The following DST variants were observed in gnomAD, a reference collection of about 807,000 sequenced individuals.
The protein encoded by DST is bullous pemphigoid antigen.
Under a neutral mutation model 875.2 loss-of-function variants are expected in DST, and 253 were observed. The observed-to-expected ratio is 0.29, with a 90% CI of 0.26 to 0.32. The LOEUF (loss-of-function observed/expected upper bound fraction) is 0.32, where lower values mean the gene tolerates loss of function less well. Ranked by LOEUF, DST falls within the 10% of genes least tolerant of loss-of-function variation. DST has a pLI of 1.00. For missense variants in DST, 8,287 were observed against 9,111.6 expected, an observed-to-expected ratio of 0.91 and a Z score of 3.68; for synonymous variants, 3,124 against 3,197.1, an observed-to-expected ratio of 0.98 and a Z score of 0.77.
In DST at chr6:56,593,902, C is replaced by G. The variant is rs748277363; in HGVS notation, c.12487G>C (p.Gly4163Arg). The G allele has an allele frequency of 1.2e-6, 2 of 1,613,736 alleles. No individual in the cohort carries two copies. Among genetic ancestry groups the G allele is most frequent in the African/African-American group, 2.7e-5 (2 of 74,912 alleles). ...ATTAAACCATTGATGTCATCTGCACCTGCCTCCAGGTTTTCAAGTTCTTGT... is the reference window on the plus strand; with the variant it reads ...ATTAAACCATTGATGTCATCTGCACGTGCCTCCAGGTTTTCAAGTTCTTGT... Reference protein sequence around the residue: ...SEQELENLEAGADDINGLMTK... With the variant: ...SEQELENLEARADDINGLMTK... The change falls in exon 48 of 104, where the codon GGT becomes CGT. Residue 4163 changes from glycine (G) to arginine (R), a missense_variant. By Grantham distance (125) the Gly-to-Arg change is moderately radical. Coordinates refer to ENST00000680361, the MANE Select transcript of DST (RefSeq NM_001374736.1).
At chr6:56,569,410 C>T (rs2097745427) in intron 54 of DST, among the ~76,000 whole-genome samples, 1 of 151,354 alleles carries the variant, frequency 6.6e-6, no homozygotes, top group African/African-American at 2.4e-5. Flanking sequence ...AAGGCATAAG[C>T]CTTGAGTCAG....
chr6:56,634,598 C>T lies in DST; in HGVS notation c.3358G>A (p.Asp1120Asn), dbSNP rs753388553. 4.3e-6 allele frequency: 7 copies of T among 1,614,120 alleles called. No individual in the cohort carries two copies. The highest frequency in any genetic ancestry group is 2.7e-5 in the African/African-American group (2 of 75,028). The change falls in exon 26 of 104, where the codon GAT becomes AAT. Residue 1120 changes from aspartate to asparagine, a missense_variant. By Grantham distance (23) the Asp-to-Asn change is conservative. Coordinates refer to ENST00000680361, the MANE Select transcript of DST (RefSeq NM_001374736.1). ...RQIEITIYKD[D>N]ECVLANNSHR... ...GAGTTATTCGCCAAAACACATTCAT[C>T]GTCTTTGTAAATGGTTATCTGGTTT...
chr6:56,870,998 TATATAA>T (rs1243980696), intron 3 of DST, among the ~76,000 whole-genome samples: 2 of 151,892 alleles, frequency 1.3e-5, no homozygotes, highest in Non-Finnish European at 2.9e-5. Flanking sequence ...AGAATATGTA[TATATAA>T]AGAACCCACT....
intron 3 of DST, among the ~76,000 whole-genome samples, chr6:56,875,123 A>G (rs2127619687): frequency 6.6e-6 from 1 of 152,276 alleles, no homozygotes; most frequent in South Asian, 2.1e-4. Flanking sequence ...AGCTGGGACT[A>G]CAGGCGCCCG....
chr6:56,846,325 C>T (rs1253427155), intron 4 of DST, among the ~76,000 whole-genome samples: 1 of 152,236 alleles, frequency 6.6e-6, no homozygotes, highest in African/African-American at 2.4e-5. Flanking sequence ...GTAAACACAA[C>T]TAGTCATGGA....
intron 10 of DST, among the ~76,000 whole-genome samples, chr6:56,658,949 A>G (rs563557056): frequency 6.6e-6 from 1 of 152,342 alleles, no homozygotes; most frequent in South Asian, 2.1e-4. Flanking sequence ...GGAACATGGT[A>G]AGACATGGCT....
At position 56,618,722 on chromosome 6, in the gene DST, T is replaced by C. The variant is rs766416079; in HGVS notation, c.4930-4238A>G. 2.5e-6 allele frequency: 4 copies of C among 1,613,820 alleles called. No homozygotes were observed. The South Asian group carries it at 4.4e-5, about 18-fold the overall frequency. On this transcript the variant is annotated intron_variant, in intron 36 of 103. Coordinates refer to ENST00000680361, the MANE Select transcript of DST (RefSeq NM_001374736.1). ...AAAGTCAAGCCTAATGCCTGAAATA[T>C]CATTTTCAGTGATGACTTTGGACTC...
At chr6:56,496,629 G>A (rs1227056446) in intron 82 of DST, among the ~76,000 whole-genome samples, 1 of 151,972 alleles carries the variant, frequency 6.6e-6, no homozygotes. Flanking sequence ...TTTACACTGT[G>A]TTATATTACC....
rs571282569 is a variant in DST, at chr6:56,499,298, C to T, written c.19897-1245G>A. Among the ~76,000 whole-genome samples the T allele has an allele frequency of 9.2e-5, 14 of 152,208 alleles. No homozygotes were observed. The South Asian group carries it at 2.7e-3, about 29-fold the overall frequency. On this transcript the variant is annotated intron_variant, in intron 80 of 103. Coordinates refer to ENST00000680361, the MANE Select transcript of DST (RefSeq NM_001374736.1). ...CCCTCTGACATCACTGTTTCTCTGACTGTTTTCACTCATATTCTGAGGCAT... is the reference window on the plus strand; with the variant it reads ...CCCTCTGACATCACTGTTTCTCTGATTGTTTTCACTCATATTCTGAGGCAT...
Position 56,458,600 on chromosome 6 carries a change from C to G in DST, c.*405G>C, listed in dbSNP as rs1425535187. On this transcript the variant is annotated 3_prime_UTR_variant, in exon 104 of 104. Transcript: ENST00000680361. ...CATTTAAATCATCTCAAAAAATATC[C>G]CCTGCATGTATCATTCAGCTTCTCA... The G allele has an allele frequency of 6.5e-6, 1 of 154,806 alleles. No individual in the cohort carries two copies. Among genetic ancestry groups the G allele is most frequent in the African/African-American group, 2.4e-5 (1 of 41,482 alleles). The allele number at this position is 154,806 out of a possible 1,614,324, so 9.6% of individuals were successfully genotyped here. A position where few individuals can be genotyped will look rare whatever the true frequency, so the allele number is the denominator to read the frequency against.
chr6:56,748,186 T>C (rs1192251307), intron 4 of DST, among the ~76,000 whole-genome samples: 1 of 152,158 alleles, frequency 6.6e-6, no homozygotes, highest in Non-Finnish European at 1.5e-5. Context: ...TAAAAGAATA[T>C]ATATTCCTAT....
intron 4 of DST, among the ~76,000 whole-genome samples, chr6:56,782,119 G>A (rs1315080607): frequency 2.6e-5 from 4 of 152,124 alleles, no homozygotes; most frequent in African/African-American, 9.7e-5. Flanking sequence ...GCTGGATTCG[G>A]TTTGCCAGTA....
intron 55 of DST, among the ~76,000 whole-genome samples, chr6:56,566,328 C>T (rs2097677154): frequency 6.6e-6 from 1 of 152,224 alleles, no homozygotes; most frequent in Non-Finnish European, 1.5e-5. Flanking sequence ...CCTGGTGGTG[C>T]AGGCACCCGA....
intron 36 of DST, chr6:56,619,526 T>C: frequency 6.2e-7 from 1 of 1,612,988 alleles, no homozygotes; most frequent in Non-Finnish European, 8.5e-7. Context: ...TGAATTTAAA[T>C]GCTGAATATT....
intron 5 of DST, among the ~76,000 whole-genome samples, chr6:56,723,974 C>T (rs6926134): frequency 0.25 from 37,975 of 152,058 alleles, 6,422 homozygotes; most frequent in African/African-American, 0.48. Flanking sequence ...CTGCTGTTTC[C>T]CTTCCAAAAA....
chr6:56,606,975 C>A lies in DST; in HGVS notation c.7653G>T (p.Glu2551Asp). 1 of 1,613,492 alleles carries A rather than the reference C, an allele frequency of 6.2e-7. No homozygotes were observed. The highest frequency in any genetic ancestry group is 8.5e-7 in the Non-Finnish European group (1 of 1,179,612). Residue 2551 changes from glutamate (E) to aspartate (D), a missense_variant, in exon 40 of 104, where the codon GAG (glutamate) becomes GAT (aspartate). Around this residue, in one of 10 missense-constraint regions of DST, gnomAD observed 3,138 missense variants for 3,116.6 expected, o/e 1.01. Coordinates refer to ENST00000680361, the MANE Select transcript of DST (RefSeq NM_001374736.1). Reference sequence around the variant, plus strand: ...CACAGGAATACTCTTCTATTTCAGACTCATCTTCCTTGTCTTCAGGCATCT... The same window carrying A: ...CACAGGAATACTCTTCTATTTCAGAATCATCTTCCTTGTCTTCAGGCATCT... ...FQQMPEDKEDESEIEEYSCAV... is the reference protein window; with the variant it reads ...FQQMPEDKEDDSEIEEYSCAV...
chr6:56,802,589 G>A (rs1561914112), intron 4 of DST, among the ~76,000 whole-genome samples: 1 of 151,964 alleles, frequency 6.6e-6, no homozygotes, highest in Non-Finnish European at 1.5e-5. Flanking sequence ...TTAAGACAAA[G>A]ACATCTTTTA....
chr6:56,469,019 G>A lies in DST; in HGVS notation c.22552-20C>T. 2 of 1,565,960 alleles carry A rather than the reference G, an allele frequency of 1.3e-6. No individual in the cohort carries two copies. The highest frequency in any genetic ancestry group is 1.7e-6 in the Non-Finnish European group (2 of 1,151,632). On this transcript the variant is annotated intron_variant, in intron 97 of 103. Transcript: ENST00000680361. ...GAAGAACTGATAAAAATGAAAAATG[G>A]AAGAAAGACACAATTAGTTCAACAG...
At chr6:56,506,054 GTTTACTCC>G (rs1186021184) in intron 77 of DST, among the ~76,000 whole-genome samples, 1 of 152,036 alleles carries the variant, frequency 6.6e-6, no homozygotes, top group African/African-American at 2.4e-5. Context: ...TTTAGATAGT[GTTTACTCC>G]TTTCATCTTA....
Sources: gnomAD v4.1 joint callset for allele counts (sites outside exome capture counted in the v4.1 genomes callset) on GRCh38, gnomAD v4.1.1 for gene constraint, gnomAD v4.1.1 regional missense constraint, MANE v1.5 for transcripts, NCBI Gene and HGNC (gene_info 2026-07-23, HGNC 2026-07-21) for gene names.